Variants in VPS37A observed in about 807,000 individuals in gnomAD.
VPS37A encodes the protein VPS37A subunit of ESCRT-I, also known as vacuolar protein sorting-associated protein 37A.
In VPS37A, 30 loss-of-function variants were observed where a neutral mutation model predicts 49.8. That is an observed-to-expected ratio of 0.60 (90% CI 0.45 to 0.82). The LOEUF (loss-of-function observed/expected upper bound fraction) is 0.82, where lower values mean the gene tolerates loss of function less well. VPS37A is among the 40% of genes least tolerant of loss of function. The pLI, the probability that VPS37A is intolerant of heterozygous loss-of-function variation, is 0.00. For synonymous variants in VPS37A, 195 were observed against 160.6 expected (o/e 1.21, Z -1.62); for missense variants, 593 against 464.4 (o/e 1.28, Z -2.55).
At chr8:17,273,511 C>T (rs754049351) in intron 4 of VPS37A, among the ~76,000 whole-genome samples, 2 of 152,080 alleles carry the variant, frequency 1.3e-5, no homozygotes, top group South Asian at 2.1e-4. Context: ...GGACTACAGG[C>T]GCCCACCACT....
chr8:17,321,950 G>C, the VPS37A span, among the ~76,000 whole-genome samples: 1 of 152,194 alleles, frequency 6.6e-6, no homozygotes, highest in Non-Finnish European at 1.5e-5. Flanking sequence ...CAGATAATCT[G>C]CCTTAGGTAT....
At chr8:17,271,594 A>G (rs893430034) in intron 4 of VPS37A, among the ~76,000 whole-genome samples, 1 of 152,164 alleles carries the variant, frequency 6.6e-6, no homozygotes, top group Non-Finnish European at 1.5e-5. Context: ...TGACAGAGCA[A>G]GACTCCGTCT....
chr8:17,291,773 T>C (rs1816183638), intron 11 of VPS37A, among the ~76,000 whole-genome samples: 2 of 152,118 alleles, frequency 1.3e-5, no homozygotes, highest in Admixed American at 6.5e-5. Context: ...AGTTTCCATG[T>C]AGTTGTGTGG....
At chr8:17,326,242 T>C in the VPS37A span, 16 of 152,194 alleles carry the variant, frequency 1.1e-4, no homozygotes, top group African/African-American at 3.4e-4. Flanking sequence ...CACTTACTAT[T>C]TTGAGCTGAA....
chr8:17,268,509 C>G (rs576394665), intron 3 of VPS37A, 137 bp downstream of exon 3: 31 of 646,390 alleles, frequency 4.8e-5, no homozygotes, highest in Admixed American at 3.2e-5. Flanking sequence ...ATATTTAAGA[C>G]TACGCCTTAA....
intron 3 of VPS37A, among the ~76,000 whole-genome samples, 158 bp downstream of exon 3, chr8:17,268,530 A>G (rs1006915985): frequency 4.6e-5 from 7 of 152,180 alleles, no homozygotes; most frequent in African/African-American, 1.7e-4. Context: ...AGTTCTTACA[A>G]TATGATATGG....
chr8:17,327,109 T>G, the VPS37A span, among the ~76,000 whole-genome samples: 2 of 152,224 alleles, frequency 1.3e-5, no homozygotes, highest in Non-Finnish European at 2.9e-5. Context: ...TTCTCCCATG[T>G]TAGTACATAT....
the VPS37A span, chr8:17,331,007 GT>G: frequency 2.0e-6 from 2 of 988,812 alleles, no homozygotes; most frequent in Non-Finnish European, 2.9e-6. Flanking sequence ...GTTCTTAAGT[GT>G]TTAAAAAGCC....
intron 10 of VPS37A, 92 bp downstream of exon 10, chr8:17,284,708 A>T: frequency 2.2e-6 from 3 of 1,378,482 alleles, no homozygotes; most frequent in Non-Finnish European, 2.9e-6. Flanking sequence ...CTATTTCTCT[A>T]TTATGATATC....
At chr8:17,323,647 G>A in the VPS37A span, among the ~76,000 whole-genome samples, 1 of 152,116 alleles carries the variant, frequency 6.6e-6, no homozygotes, top group East Asian at 1.9e-4. Context: ...AGAGGCCGCA[G>A]GGGTGGGGGG....
chr8:17,316,010 T>C, the VPS37A span, among the ~76,000 whole-genome samples: 1 of 152,194 alleles, frequency 6.6e-6, no homozygotes, highest in Non-Finnish European at 1.5e-5. Flanking sequence ...AGCCAGATCC[T>C]ATCTCTAAAA....
chr8:17,326,117 C>T, the VPS37A span, among the ~76,000 whole-genome samples: 1 of 152,186 alleles, frequency 6.6e-6, no homozygotes, highest in African/African-American at 2.4e-5. Context: ...GGACTTCACA[C>T]ACTGAGGCCA....
intron 9 of VPS37A, among the ~76,000 whole-genome samples, chr8:17,283,578 G>T (rs552348757): frequency 6.6e-6 from 1 of 152,302 alleles, no homozygotes; most frequent in South Asian, 2.1e-4. Context: ...CGATAATCCA[G>T]TTTTTTCCAG....
chr8:17,306,508 A>G (rs1045556133), downstream of VPS37A, among the ~76,000 whole-genome samples: 1 of 152,082 alleles, frequency 6.6e-6, no homozygotes, highest in Non-Finnish European at 1.5e-5. Context: ...TTTTTCTTTT[A>G]TCTCCCATTG....
In VPS37A at chr8:17,295,541, A is replaced by T. The variant is rs1327015539; in HGVS notation, c.*555A>T. 6.6e-6 allele frequency: 1 copy of T among 152,640 alleles called. No individual in the cohort carries two copies. The highest frequency in any genetic ancestry group is 1.5e-5 in the Non-Finnish European group (1 of 68,028). 9.5% of individuals were successfully genotyped at this position (152,640 alleles called of 1,614,324 possible). ...AAAAGAAACTTTTAATACCTACAATAAATCAAAAGAATAAACCAGCTGTTC... is the reference window on the plus strand; with the variant it reads ...AAAAGAAACTTTTAATACCTACAATTAATCAAAAGAATAAACCAGCTGTTC... On this transcript the variant is annotated 3_prime_UTR_variant, in exon 12 of 12. Coordinates refer to ENST00000324849, the MANE Select transcript of VPS37A (RefSeq NM_152415.3).
At chr8:17,324,541 C>T in the VPS37A span, among the ~76,000 whole-genome samples, 1 of 152,356 alleles carries the variant, frequency 6.6e-6, no homozygotes, top group Non-Finnish European at 1.5e-5. Flanking sequence ...GGGCAGATCC[C>T]ATCCAGCACC....
chr8:17,251,418 G>C (rs557165235), intron 1 of VPS37A, among the ~76,000 whole-genome samples: 152 of 152,326 alleles, frequency 1.0e-3, no homozygotes, highest in Admixed American at 1.6e-3. Flanking sequence ...ATATATGTAA[G>C]ACATTTGGAA....
chr8:17,263,730 G>A (rs1349417389), intron 1 of VPS37A, among the ~76,000 whole-genome samples: 1 of 152,152 alleles, frequency 6.6e-6, no homozygotes, highest in Non-Finnish European at 1.5e-5. Context: ...GATCGCTTGA[G>A]GTCAGGAATT....
At chr8:17,331,911 T>G in the VPS37A span, among the ~76,000 whole-genome samples, 1 of 152,192 alleles carries the variant, frequency 6.6e-6, no homozygotes, top group Admixed American at 6.5e-5. Context: ...TTGATCACTT[T>G]CATTATTATA....
Sources: allele counts gnomAD v4.1 joint callset (sites outside exome capture counted in the v4.1 genomes callset), GRCh38; gene constraint gnomAD v4.1.1; transcripts MANE v1.5; gene names NCBI Gene and HGNC (gene_info 2026-07-23, HGNC 2026-07-21).